Variants in SLC5A11 observed in about 807,000 individuals in gnomAD.
SLC5A11 encodes sodium/myo-inositol cotransporter 2.
Under a neutral mutation model 69.8 loss-of-function variants are expected in SLC5A11, and 48 were observed. The observed-to-expected ratio is 0.69, with a 90% CI of 0.55 to 0.87. The LOEUF is 0.87. SLC5A11 is among the 40% of genes least tolerant of loss of function. The pLI is 0.00. For synonymous variants in SLC5A11, 319 were observed against 342.4 expected, an observed-to-expected ratio of 0.93 and a Z score of 0.75; for missense variants, 784 against 866.1, an observed-to-expected ratio of 0.91 and a Z score of 1.19.
chr16:24,858,785 C>T lies in SLC5A11; in HGVS notation c.135+7C>T, dbSNP rs763483561. The stretch of plus-strand genomic sequence containing the variant: ...CCTGGCTGTTGGACTATGGGTAAGC[C>T]AGGCCACTGGGGGATGGGGGATGAA... On this transcript the variant is annotated splice_region_variant and intron_variant, in intron 2 of 15. Coordinates refer to ENST00000347898, the Ensembl canonical transcript of SLC5A11. 5 of 1,607,970 alleles carry T rather than the reference C, an allele frequency of 3.1e-6. No individual in the cohort carries two copies. The Admixed American group carries it at 6.7e-5, about 22-fold the overall frequency.
intron 3 of SLC5A11, among the ~76,000 whole-genome samples, chr16:24,863,884 T>TTCTC (rs2152275539): frequency 6.6e-6 from 1 of 152,110 alleles, no homozygotes; most frequent in East Asian, 1.9e-4. Context: ...CAAAACTCCA[T>TTCTC]TCTCTAAAAA....
rs769393472 is a variant in SLC5A11, at chr16:24,891,024, G to T, written c.820G>T (p.Val274Phe). 7 of 1,614,172 alleles carry T rather than the reference G, an allele frequency of 4.3e-6. No individual in the cohort carries two copies. Among genetic ancestry groups the T allele is most frequent in the Non-Finnish European group, 5.9e-6 (7 of 1,180,042 alleles). The change falls in exon 9 of 16, where the codon GTC becomes TTC. Residue 274 changes from valine to phenylalanine, a missense_variant. Around this residue, in one of 3 missense-constraint regions of SLC5A11, gnomAD observed 550 missense variants for 606.4 expected, o/e 0.91. Transcript: ENST00000347898. ...GACATCTGATCTCCCGTGGCCGGGG[G>T]TCCTATTTGGAATGTCCATCCCATC...
chr16:24,893,904 A>T (rs2152381152), intron 9 of SLC5A11, among the ~76,000 whole-genome samples: 2 of 152,110 alleles, frequency 1.3e-5, no homozygotes, highest in East Asian at 3.9e-4. Flanking sequence ...CAGCTCTCTG[A>T]TCCAGTTTCC....
intron 9 of SLC5A11, among the ~76,000 whole-genome samples, chr16:24,896,775 A>T (rs547099452): frequency 2.0e-5 from 3 of 152,106 alleles, no homozygotes; most frequent in Admixed American, 2.0e-4. Context: ...CTGATACTAC[A>T]TCATCACACA....
intron 3 of SLC5A11, among the ~76,000 whole-genome samples, chr16:24,865,366 G>GCCTGGCCAA (rs1386374557): frequency 2.0e-4 from 31 of 152,250 alleles, no homozygotes; most frequent in Non-Finnish European, 4.1e-4. Context: ...TTTGAAACCA[G>GCCTGGCCAA]CCTGGCCAAC....
intron 5 of SLC5A11, among the ~76,000 whole-genome samples, chr16:24,873,304 A>AGG: frequency 2.0e-5 from 3 of 149,834 alleles, no homozygotes; most frequent in Admixed American, 1.3e-4. Context: ...GAAGGAAGGA[A>AGG]ATAAATATAA....
intron 1 of SLC5A11, among the ~76,000 whole-genome samples, chr16:24,849,583 A>AT (rs2059178631): frequency 1.1e-5 from 1 of 87,330 alleles, no homozygotes; most frequent in Non-Finnish European, 2.5e-5. Context: ...AAAAAAAAAA[A>AT]AAAAAAAAAA....
At chr16:24,904,323 C>T (rs1178396348) in intron 10 of SLC5A11, among the ~76,000 whole-genome samples, 1 of 152,116 alleles carries the variant, frequency 6.6e-6, no homozygotes, top group African/African-American at 2.4e-5. Context: ...TTTGAGGAAC[C>T]TCCATAGTTT....
intron 3 of SLC5A11, among the ~76,000 whole-genome samples, chr16:24,864,088 A>T (rs1244171040): frequency 6.6e-6 from 1 of 152,202 alleles, no homozygotes; most frequent in Non-Finnish European, 1.5e-5. Flanking sequence ...TTCTAGTAAG[A>T]CAACTTAAAT....
intron 2 of SLC5A11, 28 bp from the exon 4 acceptor site, chr16:24,862,573 T>C: frequency 6.3e-7 from 1 of 1,597,940 alleles, no homozygotes; most frequent in African/African-American, 1.3e-5. Context: ...ACGTCTTCCC[T>C]CACCCACCTC....
At chr16:24,879,913 A>G (rs890177086) in intron 7 of SLC5A11, among the ~76,000 whole-genome samples, 1 of 152,174 alleles carries the variant, frequency 6.6e-6, no homozygotes, top group East Asian at 1.9e-4. Context: ...TCTTTATCCA[A>G]TCCACTGTTG....
chr16:24,871,715 G>C, intron 4 of SLC5A11, among the ~76,000 whole-genome samples: 1 of 152,150 alleles, frequency 6.6e-6, no homozygotes, highest in East Asian at 1.9e-4. Context: ...TACTCATTAA[G>C]TATCATCTTC....
intron 2 of SLC5A11, among the ~76,000 whole-genome samples, chr16:24,861,793 G>GGAAA (rs1050751848): frequency 1.5e-5 from 2 of 137,068 alleles, no homozygotes; most frequent in Non-Finnish European, 3.1e-5. Flanking sequence ...AAGGAAGGAA[G>GGAAA]GAAAGAAAGA....
At chr16:24,873,727 G>A (rs1409448578) in intron 5 of SLC5A11, among the ~76,000 whole-genome samples, 3 of 151,490 alleles carry the variant, frequency 2.0e-5, no homozygotes, top group African/African-American at 7.3e-5. Context: ...TTACTCCCTT[G>A]CTTTTATTTA....
chr16:24,879,612 C>T (rs1359473683), intron 7 of SLC5A11, among the ~76,000 whole-genome samples: 1 of 152,126 alleles, frequency 6.6e-6, no homozygotes, highest in Non-Finnish European at 1.5e-5. Context: ...TGGCAGGTGC[C>T]TGTAATCCCA....
At chr16:24,905,638 G>GCGCGCGCGCGCA (rs1555534421) in intron 10 of SLC5A11, among the ~76,000 whole-genome samples, 1 of 70,228 alleles carries the variant, frequency 1.4e-5, no homozygotes, top group African/African-American at 4.4e-5. Context: ...ACGCGCGCGC[G>GCGCGCGCGCGCA]CGCACACACA....
chr16:24,907,022 C>G lies in SLC5A11; in HGVS notation c.1115-3C>G. 6.2e-7 allele frequency: 1 copy of G among 1,613,666 alleles called. No individual in the cohort carries two copies. Among genetic ancestry groups the G allele is most frequent in the Non-Finnish European group, 8.5e-7 (1 of 1,179,764 alleles). ...AGGCCCATGACCTCCCTTCCGCCCC[C>G]AGGGCTCCGTGGGCTGATGATGGCT... On this transcript the variant is annotated splice_region_variant and splice_polypyrimidine_tract_variant and intron_variant, in intron 11 of 15. Transcript: ENST00000347898.
intron 1 of SLC5A11, among the ~76,000 whole-genome samples, chr16:24,848,905 A>C (rs747996829): frequency 6.6e-6 from 1 of 152,210 alleles, no homozygotes; most frequent in Non-Finnish European, 1.5e-5. Flanking sequence ...GGCTCAGACA[A>C]GGGTGATAGC....
chr16:24,881,276 A>ATTGT (rs993473696), intron 7 of SLC5A11, among the ~76,000 whole-genome samples: 2 of 147,088 alleles, frequency 1.4e-5, no homozygotes, highest in East Asian at 2.0e-4. Flanking sequence ...TTTTTGTTTG[A>ATTGT]TTGTTTGTTT....
Sources: allele counts gnomAD v4.1 joint callset (sites outside exome capture counted in the v4.1 genomes callset), GRCh38; gene constraint gnomAD v4.1.1; regional missense constraint gnomAD v4.1.1; transcripts MANE v1.5; gene names NCBI Gene and HGNC (gene_info 2026-07-23, HGNC 2026-07-21).